The following DNAH5 variants were observed in gnomAD, a reference collection of about 807,000 sequenced individuals.
The protein encoded by DNAH5 is axonemal beta dynein heavy chain 5.
In DNAH5, 372 loss-of-function variants were observed where a neutral mutation model predicts 518.2. The observed-to-expected ratio is 0.72, with a 90% CI of 0.66 to 0.78. DNAH5 has a LOEUF of 0.78. Among genes scored for constraint, DNAH5 ranks in the 30% least tolerant of loss-of-function variants. DNAH5 has a pLI of 0.00. For synonymous variants in DNAH5, 2,039 were observed against 2,025.9 expected (o/e 1.01, Z -0.17); for missense variants, 5,523 against 5,687.0 (o/e 0.97, Z 0.93).
At chr5:13,870,223 C>T (rs1041376179) in intron 24 of DNAH5, among the ~76,000 whole-genome samples, 3 of 152,146 alleles carry the variant, frequency 2.0e-5, no homozygotes, top group South Asian at 4.1e-4. Flanking sequence ...AACGCCCCAT[C>T]CAGGTCCCGA....
intron 1 of DNAH5, among the ~76,000 whole-genome samples, chr5:14,004,183 G>T (rs149306239): frequency 8.5e-5 from 13 of 152,200 alleles, no homozygotes; most frequent in African/African-American, 3.1e-4. Flanking sequence ...TGTGAAACAG[G>T]GCCACCAAAT....
chr5:13,993,696 G>C (rs1783726212), intron 1 of DNAH5, among the ~76,000 whole-genome samples: 1 of 152,212 alleles, frequency 6.6e-6, no homozygotes, highest in African/African-American at 2.4e-5. Flanking sequence ...GCTATAAAAA[G>C]AGACTGGCTT....
At chr5:13,975,290 G>A (rs934906738) in intron 1 of DNAH5, among the ~76,000 whole-genome samples, 3 of 152,144 alleles carry the variant, frequency 2.0e-5, no homozygotes, top group African/African-American at 2.4e-5. Flanking sequence ...TACCACAAGA[G>A]CAGTGTGGGG....
chr5:13,829,623 G>A lies in DNAH5; in HGVS notation c.6331C>T (p.Arg2111Cys), dbSNP rs267600366. The A allele has an allele frequency of 3.1e-6, 5 of 1,614,152 alleles. No homozygotes were observed. The highest frequency in any genetic ancestry group is 1.7e-5 in the Admixed American group (1 of 60,018). The change falls in exon 38 of 79, where the codon CGT (arginine) becomes TGT (cysteine). Residue 2111 changes from arginine to cysteine, a missense_variant. By Grantham distance (180) the Arg-to-Cys change is radical. Around this residue, in one of 3 missense-constraint regions of DNAH5, gnomAD observed 5,121 missense variants for 5,223.3 expected, o/e 0.98. Transcript: ENST00000265104. ...AACTTCACCCTTATGATAATCTGAC[G>A]GTCAGGCACCATCATGGCCACTGAG... ...FRSVAMMVPD[R>C]QIIIRVKLAS...
At chr5:13,823,175 T>C (rs925644287) in intron 40 of DNAH5, 88 bp downstream of exon 40, 2 of 893,586 alleles carry the variant, frequency 2.2e-6, no homozygotes, top group Admixed American at 1.7e-5. Context: ...TCAGAGTGCA[T>C]AGGTTGGAGC....
intron 1 of DNAH5, among the ~76,000 whole-genome samples, chr5:14,009,705 A>G (rs1427682261): frequency 6.6e-6 from 1 of 152,214 alleles, no homozygotes; most frequent in Non-Finnish European, 1.5e-5. Context: ...TTTGATCTGC[A>G]TATGCTCATT....
intron 1 of DNAH5, among the ~76,000 whole-genome samples, chr5:13,940,750 G>A (rs1443275711): frequency 1.3e-5 from 2 of 152,184 alleles, no homozygotes; most frequent in Non-Finnish European, 2.9e-5. Context: ...AAACTTAACA[G>A]AGAAAGCCCA....
intron 61 of DNAH5, 89 bp from the exon 62 acceptor site, chr5:13,754,427 T>C: frequency 6.9e-7 from 1 of 1,454,460 alleles, no homozygotes; most frequent in African/African-American, 1.4e-5. Flanking sequence ...CGCCATATTA[T>C]CTGCCTTCCT....
At chr5:13,978,862 A>T (rs1412004871) in intron 1 of DNAH5, among the ~76,000 whole-genome samples, 3 of 152,170 alleles carry the variant, frequency 2.0e-5, no homozygotes, top group African/African-American at 7.2e-5. Flanking sequence ...TGTGTATGTG[A>T]ATTTAGACAT....
intron 32 of DNAH5, among the ~76,000 whole-genome samples, chr5:13,843,731 C>T (rs1765584437): frequency 6.6e-6 from 1 of 152,174 alleles, no homozygotes; most frequent in South Asian, 2.1e-4. Flanking sequence ...CCATACTTCC[C>T]TTCTTCACCT....
chr5:13,865,808 T>G lies in DNAH5; in HGVS notation c.4215A>C (p.Ile1405=). The G allele has an allele frequency of 1.2e-6, 2 of 1,613,558 alleles. No homozygotes were observed. Among genetic ancestry groups the G allele is most frequent in the Non-Finnish European group, 1.7e-6 (2 of 1,179,502 alleles). The stretch of plus-strand genomic sequence containing the variant: ...TCTGTAGAAGATTTAGTTGCTTCTT[T>G]ATTTCAAGAAGCTGAGGATACTGTG... ...PATQYPQLLE[I]KKQLNLLQKI... is the part of the protein sequence containing the mutation. Residue 1405 remains isoleucine, a synonymous_variant, in exon 27 of 79, where the codon ATA becomes ATC. Coordinates refer to ENST00000265104, the MANE Select transcript of DNAH5 (RefSeq NM_001369.3).
chr5:13,741,006 C>T (rs1748443585), intron 65 of DNAH5, among the ~76,000 whole-genome samples: 1 of 152,182 alleles, frequency 6.6e-6, no homozygotes, highest in South Asian at 2.1e-4. Flanking sequence ...ACGTAGTAGG[C>T]ACTCCATTAA....
intron 12 of DNAH5, among the ~76,000 whole-genome samples, chr5:13,905,866 G>C (rs1775222120): frequency 6.6e-6 from 1 of 152,204 alleles, no homozygotes; most frequent in African/African-American, 2.4e-5. Flanking sequence ...AAACTTGGAA[G>C]TAACCAAGAT....
rs567359804 is a variant in DNAH5, at chr5:13,850,344, T to C, written c.5114+308A>G. Among the ~76,000 whole-genome samples the C allele has an allele frequency of 2.1e-3, 318 of 152,314 alleles. 2 individuals are homozygous for C. The highest frequency in any genetic ancestry group is 3.5e-3 in the Non-Finnish European group (240 of 68,026). Reference sequence around the variant, plus strand: ...ATAAAATATGTTGGTTCTATAAATGTTTATTCAAGAAGAATGTCAGAAAAT... The same window carrying C: ...ATAAAATATGTTGGTTCTATAAATGCTTATTCAAGAAGAATGTCAGAAAAT... On this transcript the variant is annotated intron_variant, in intron 31 of 78. Coordinates refer to ENST00000265104, the MANE Select transcript of DNAH5 (RefSeq NM_001369.3).
intron 29 of DNAH5, among the ~76,000 whole-genome samples, chr5:13,861,156 C>A (rs1050501681): frequency 6.6e-6 from 1 of 152,140 alleles, no homozygotes; most frequent in Non-Finnish European, 1.5e-5. Context: ...CCCACCCCAA[C>A]CAGATAATTT....
In DNAH5 at chr5:13,766,046, C is replaced by T; in HGVS notation, c.10031G>A (p.Ser3344Asn). The stretch of plus-strand genomic sequence containing the variant: ...TTCCTGCCAGGAGGGCATGGTACAG[C>T]TTTTTTCCAGGTCAATTTTCACAGC... ...VSAVKIDLEK[S>N]CTMPSWQESL... The change falls in exon 59 of 79, where the codon AGC becomes AAC. Residue 3344 changes from serine to asparagine, a missense_variant. Physicochemically the swap from Ser to Asn is conservative, Grantham distance 46 (BLOSUM62 1). Around this residue, in one of 3 missense-constraint regions of DNAH5, gnomAD observed 5,121 missense variants for 5,223.3 expected, o/e 0.98. Coordinates refer to ENST00000265104, the MANE Select transcript of DNAH5 (RefSeq NM_001369.3). 1.3e-5 allele frequency: 21 copies of T among 1,614,178 alleles called. No homozygotes were observed. The highest frequency in any genetic ancestry group is 1.8e-5 in the Non-Finnish European group (21 of 1,180,010).
intron 47 of DNAH5, among the ~76,000 whole-genome samples, chr5:13,801,268 C>G (rs1758710635): frequency 6.6e-6 from 1 of 152,198 alleles, no homozygotes; most frequent in Non-Finnish European, 1.5e-5. Flanking sequence ...AGGTGTGTAG[C>G]ACCTCCACCT....
At chr5:13,771,064 A>G (rs1753272695) in intron 55 of DNAH5, 84 bp from the exon 56 acceptor site, 1 of 1,271,326 alleles carries the variant, frequency 7.9e-7, no homozygotes, top group Non-Finnish European at 1.1e-6. Context: ...TAAAACTTAG[A>G]CATTTCTTAG....
At chr5:13,693,118 C>T (rs1360186018) in intron 78 of DNAH5, among the ~76,000 whole-genome samples, 8 of 152,130 alleles carry the variant, frequency 5.3e-5, no homozygotes, top group Admixed American at 5.2e-4. Flanking sequence ...CCAGATTATA[C>T]ATTTTTTGAG....
Sources: gnomAD v4.1 joint callset for allele counts (sites outside exome capture counted in the v4.1 genomes callset) on GRCh38, gnomAD v4.1.1 for gene constraint, gnomAD v4.1.1 regional missense constraint, MANE v1.5 for transcripts, NCBI Gene and HGNC (gene_info 2026-07-23, HGNC 2026-07-21) for gene names.